CENPE: variants seen among roughly 807,000 people sequenced by gnomAD.
The protein encoded by CENPE is centromere protein E.
In CENPE, 145 loss-of-function variants were observed where a neutral mutation model predicts 336.1. The observed-to-expected ratio is 0.43, with a 90% CI of 0.38 to 0.50. The LOEUF (loss-of-function observed/expected upper bound fraction) is 0.50. Among genes scored for constraint, CENPE ranks in the 20% least tolerant of loss-of-function variants. CENPE has a pLI of 0.00. For missense variants in CENPE, 2,719 were observed against 3,023.3 expected (o/e 0.90, Z 2.36); for synonymous variants, 1,013 against 984.8 (o/e 1.03, Z -0.54).
chr4:103,133,248 G>C (rs1423830146), intron 41 of CENPE, among the ~76,000 whole-genome samples: 1 of 151,990 alleles, frequency 6.6e-6, no homozygotes, highest in Non-Finnish European at 1.5e-5. Flanking sequence ...GTCTCACTAT[G>C]TTGCCCAGGC....
At position 103,163,227 on chromosome 4, in the gene CENPE, A is replaced by C. The variant is rs202103724; in HGVS notation, c.1752T>G (p.Leu584=). ...TCTTAATCTGGTCTTCCTTTTCTCT[A>C]AGCAGCTCTACTTTTGAACTGAGTT... ...ENELSSKVEL[L]REKEDQIKKL... is the part of the protein sequence containing the mutation. Residue 584 remains leucine (L), a synonymous_variant, in exon 18 of 49, where the codon CTT becomes CTG. Coordinates refer to ENST00000265148, the MANE Select transcript of CENPE (RefSeq NM_001813.3). 18 of 1,608,854 alleles carry C rather than the reference A, an allele frequency of 1.1e-5. No homozygotes were observed. Among genetic ancestry groups the C allele is most frequent in the Non-Finnish European group, 1.4e-5 (17 of 1,176,428 alleles).
chr4:103,114,961 G>A (rs1749952130), intron 45 of CENPE, among the ~76,000 whole-genome samples: 1 of 152,150 alleles, frequency 6.6e-6, no homozygotes, highest in Non-Finnish European at 1.5e-5. Context: ...CCTGACTGCA[G>A]CTCTGGTCTA....
chr4:103,192,411 T>A (rs1361041336), intron 8 of CENPE, among the ~76,000 whole-genome samples: 2 of 152,174 alleles, frequency 1.3e-5, no homozygotes, highest in Non-Finnish European at 2.9e-5. Flanking sequence ...AGTGGCCAAA[T>A]CTTGCCCCAG....
intron 39 of CENPE, among the ~76,000 whole-genome samples, chr4:103,137,946 C>G (rs190884083): frequency 6.6e-6 from 1 of 152,276 alleles, no homozygotes; most frequent in Admixed American, 6.5e-5. Flanking sequence ...CCACAGCTTG[C>G]CTCTTCCCTG....
intron 35 of CENPE, 70 bp from the exon 36 acceptor site, chr4:103,141,174 A>T: frequency 1.1e-6 from 1 of 902,088 alleles, no homozygotes. Flanking sequence ...TTCTAAATTG[A>T]TTAAGACAAC....
intron 47 of CENPE, among the ~76,000 whole-genome samples, 167 bp downstream of exon 47, chr4:103,110,661 C>T (rs147546893): frequency 2.6e-5 from 4 of 152,040 alleles, no homozygotes; most frequent in Non-Finnish European, 2.9e-5. Context: ...ATAGTGCTAC[C>T]ATATTCTCAT....
chr4:103,145,586 C>T lies in CENPE; in HGVS notation c.4509G>A (p.Lys1503=). The T allele has an allele frequency of 6.2e-7, 1 of 1,610,412 alleles. No homozygotes were observed. Among genetic ancestry groups the T allele is most frequent in the African/African-American group, 1.3e-5 (1 of 74,894 alleles). Residue 1503 remains lysine (K), a synonymous_variant, in exon 31 of 49, where the codon AAG becomes AAA. Transcript: ENST00000265148. ...TTTGAATGGTTGATATTTCAGTTTCCTTCTCTGAAAGATTCACTCTTAACT... is the reference window on the plus strand; with the variant it reads ...TTTGAATGGTTGATATTTCAGTTTCTTTCTCTGAAAGATTCACTCTTAACT... ...INELRVNLSE[K]ETEISTIQKQ... is the part of the protein sequence containing the mutation.
chr4:103,153,576 T>G (rs1474130061), intron 24 of CENPE, among the ~76,000 whole-genome samples: 1 of 152,214 alleles, frequency 6.6e-6, no homozygotes, highest in Non-Finnish European at 1.5e-5. Flanking sequence ...CAAATATTAA[T>G]AATTGTCTTC....
In CENPE at chr4:103,196,054, C is replaced by T; in HGVS notation, c.239-16G>A. 1.3e-6 allele frequency: 2 copies of T among 1,598,856 alleles called. No individual in the cohort carries two copies. The highest frequency in any genetic ancestry group is 1.7e-6 in the Non-Finnish European group (2 of 1,166,228). ...AATATAGTACCTGCAAAAAACAAAA[C>T]ACACATACGCAAAGATTAAAAACAA... On this transcript the variant is annotated splice_polypyrimidine_tract_variant and intron_variant, in intron 3 of 48. Coordinates refer to ENST00000265148, the MANE Select transcript of CENPE (RefSeq NM_001813.3).
chr4:103,196,073 AAAAC>A, intron 3 of CENPE, 35 bp from the exon 4 acceptor site: 1 of 1,592,706 alleles, frequency 6.3e-7, no homozygotes, highest in Non-Finnish European at 8.6e-7. Flanking sequence ...GCAAAGATTA[AAAAC>A]AAACCTATAA....
intron 46 of CENPE, among the ~76,000 whole-genome samples, chr4:103,114,145 T>C (rs1366533558): frequency 6.6e-6 from 1 of 152,190 alleles, no homozygotes; most frequent in Non-Finnish European, 1.5e-5. Context: ...GGAAGCATAA[T>C]TCCATGTTGA....
At chr4:103,110,157 C>T (rs1578525376) in intron 47 of CENPE, among the ~76,000 whole-genome samples, 1 of 152,036 alleles carries the variant, frequency 6.6e-6, no homozygotes, top group South Asian at 2.1e-4. Context: ...TAAAGTGAAT[C>T]GCGGAAATCT....
chr4:103,157,680 C>T (rs1037766782), intron 24 of CENPE, among the ~76,000 whole-genome samples: 1 of 151,866 alleles, frequency 6.6e-6, no homozygotes, highest in Non-Finnish European at 1.5e-5. Context: ...ATGAATTTTA[C>T]ACTAGTGAAG....
rs774472049 is a variant in CENPE at position 103,120,272 on chromosome 4, C to T, written c.7205G>A (p.Ser2402Asn). ...EAKESAMHKE[S>N]KIIKMQKELE... Reference sequence around the variant, plus strand: ...TTCTTTCTGCATCTTTATAATCTTGCTTTCCTTATGCATAGCACTTTCTTT... The same window carrying T: ...TTCTTTCTGCATCTTTATAATCTTGTTTTCCTTATGCATAGCACTTTCTTT... Residue 2402 changes from serine (S) to asparagine (N), a missense_variant, in exon 44 of 49, where the codon AGC becomes AAC. Ser to Asn is a conservative substitution (Grantham distance 46). Around this residue, in one of 5 missense-constraint regions of CENPE, gnomAD observed 2,437 missense variants for 2,513.3 expected, o/e 0.97. Transcript: ENST00000265148. 14 of 1,612,522 alleles carry T rather than the reference C, an allele frequency of 8.7e-6. No individual in the cohort carries two copies. The Admixed American group carries it at 2.0e-4, about 23-fold the overall frequency.
chr4:103,135,828 C>T lies in CENPE; in HGVS notation c.6522+313G>A, dbSNP rs527767174. On this transcript the variant is annotated intron_variant, in intron 40 of 48. Transcript: ENST00000265148. ...TCATCTTCTGTAATTTTATTTAGTA[C>T]GTCATATAACTTGCATACACTTCTA... Among the ~76,000 whole-genome samples, 227 of 152,216 alleles carry T rather than the reference C, an allele frequency of 1.5e-3. 1 individual carries two copies. The highest frequency in any genetic ancestry group is 0.014 in the Middle Eastern group (4 of 294).
In CENPE at chr4:103,160,633, T is replaced by C. The variant is rs1275808405; in HGVS notation, c.2278A>G (p.Arg760Gly). ...KSLPSEVERL[R>G]KEIQDKSEEL... Reference sequence around the variant, plus strand: ...CTTATAAATGTGTTTACCTCTTTCCTCAGCCTTTCTACTTCAGAAGGTAAA... The same window carrying C: ...CTTATAAATGTGTTTACCTCTTTCCCCAGCCTTTCTACTTCAGAAGGTAAA... The change falls in exon 21 of 49, where the codon AGG becomes GGG. Residue 760 changes from arginine (R) to glycine (G), a missense_variant. Transcript: ENST00000265148. 6.2e-7 allele frequency: 1 copy of C among 1,606,984 alleles called. No individual in the cohort carries two copies. Among genetic ancestry groups the C allele is most frequent in the African/African-American group, 1.3e-5 (1 of 74,328 alleles).
chr4:103,177,912 G>A (rs1756014244), intron 13 of CENPE, among the ~76,000 whole-genome samples: 1 of 151,934 alleles, frequency 6.6e-6, no homozygotes, highest in Non-Finnish European at 1.5e-5. Flanking sequence ...GTCATTATCT[G>A]AAAGTCATAA....
chr4:103,106,337 A>G, intron 48 of CENPE, 21 bp from the exon 49 acceptor site: 1 of 1,562,780 alleles, frequency 6.4e-7, no homozygotes, highest in East Asian at 2.3e-5. Context: ...AAATGAAAAC[A>G]ACATTCATCC....
chr4:103,196,330 T>C, intron 2 of CENPE, 78 bp from the exon 3 acceptor site: 1 of 1,067,818 alleles, frequency 9.4e-7, no homozygotes, highest in Admixed American at 1.9e-5. Context: ...AAATTAGTAA[T>C]TATTCCCAAA....
Sources: gnomAD v4.1 joint callset for allele counts (sites outside exome capture counted in the v4.1 genomes callset) on GRCh38, gnomAD v4.1.1 for gene constraint, gnomAD v4.1.1 regional missense constraint, MANE v1.5 for transcripts, NCBI Gene and HGNC (gene_info 2026-07-23, HGNC 2026-07-21) for gene names.